The following LITAF variants were observed in gnomAD, a reference collection of about 807,000 sequenced individuals.
The protein encoded by LITAF is lipopolysaccharide-induced tumor necrosis factor-alpha factor.
In LITAF, 9 loss-of-function variants were observed where a neutral mutation model predicts 14.5. That is an observed-to-expected ratio of 0.62 (90% CI 0.37 to 1.08). LITAF has a LOEUF of 1.08. Ranked by LOEUF, LITAF falls within the 50% of genes least tolerant of loss-of-function variation. The probability of loss-of-function intolerance (pLI) is 0.01; values close to 1 mark genes in which losing one functional copy is unlikely to be tolerated. For synonymous variants in LITAF, 98 were observed against 88.2 expected (o/e 1.11, Z -0.62); for missense variants, 206 against 213.4 (o/e 0.97, Z 0.22).
intron 2 of LITAF, among the ~76,000 whole-genome samples, chr16:11,633,936 T>C (rs1384848703): frequency 6.6e-6 from 1 of 152,162 alleles, no homozygotes; most frequent in Non-Finnish European, 1.5e-5. Context: ...AATTGATGCA[T>C]GGATAGCACC....
chr16:11,576,638 A>G (rs2064641248), intron 1 of LITAF, among the ~76,000 whole-genome samples: 1 of 151,592 alleles, frequency 6.6e-6, no homozygotes, highest in African/African-American at 2.4e-5. Flanking sequence ...CAGGCTGCCA[A>G]CAGTCCAACA....
chr16:11,585,209 G>A (rs1348806164), intron 1 of LITAF, among the ~76,000 whole-genome samples: 1 of 148,974 alleles, frequency 6.7e-6, no homozygotes, highest in East Asian at 2.0e-4. Flanking sequence ...CTCCAGCCTA[G>A]GCGACAGTGA....
chr16:11,549,787 A>C lies in LITAF; in HGVS notation c.378-42T>G, dbSNP rs2064157437. ...ACACACGGAGCGCGTTACTGATCACAACAGGGTGAACACTGGCTGCCAAAA... is the reference window on the plus strand; with the variant it reads ...ACACACGGAGCGCGTTACTGATCACCACAGGGTGAACACTGGCTGCCAAAA... On this transcript the variant is annotated intron_variant, in intron 3 of 3. Coordinates refer to ENST00000622633, the MANE Select transcript of LITAF (RefSeq NM_001136472.2). The surrounding 1 kb of genome is among the most constrained non-coding windows in gnomAD (Gnocchi z 4.6). 1 of 1,473,332 alleles carries C rather than the reference A, an allele frequency of 6.8e-7. No individual in the cohort carries two copies. The highest frequency in any genetic ancestry group is 1.4e-5 in the African/African-American group (1 of 72,014). The allele number at this position is 1,473,332 out of a possible 1,614,324, so 91.3% of individuals were successfully genotyped here. A position where few individuals can be genotyped will look rare whatever the true frequency, so the allele number is the denominator to read the frequency against.
chr16:11,620,585 C>G (rs574602513), intron 3 of LITAF, among the ~76,000 whole-genome samples: 16 of 152,344 alleles, frequency 1.1e-4, no homozygotes, highest in African/African-American at 3.6e-4. Flanking sequence ...ATGCCTAAAA[C>G]AGCCTCCCAA....
At chr16:11,588,946 T>G (rs2064832748), upstream of LITAF, among the ~76,000 whole-genome samples, 1 of 152,022 alleles carries the variant, frequency 6.6e-6, no homozygotes, top group Admixed American at 6.6e-5. Flanking sequence ...TAAGCCTGAA[T>G]TTTCTTCTGT....
At chr16:11,615,868 G>T (rs2065016533) in intron 3 of LITAF, among the ~76,000 whole-genome samples, 1 of 152,076 alleles carries the variant, frequency 6.6e-6, no homozygotes, top group Non-Finnish European at 1.5e-5. Flanking sequence ...CAGTGTGGGG[G>T]TACCTAGATA....
chr16:11,585,191 C>G (rs1247245291), intron 1 of LITAF, among the ~76,000 whole-genome samples: 1 of 149,946 alleles, frequency 6.7e-6, no homozygotes, highest in Non-Finnish European at 1.5e-5. Context: ...CGAGATCGCA[C>G]CACTGCACTC....
intron 3 of LITAF, among the ~76,000 whole-genome samples, chr16:11,615,739 G>C (rs1200205116): frequency 1.3e-5 from 2 of 152,146 alleles, no homozygotes; most frequent in Admixed American, 6.6e-5. Flanking sequence ...ATAATAAAAA[G>C]TATCTGCTTG....
chr16:11,592,476 G>A (rs2064853448), intron 1 of LITAF, among the ~76,000 whole-genome samples: 1 of 151,900 alleles, frequency 6.6e-6, no homozygotes, highest in Non-Finnish European at 1.5e-5. Flanking sequence ...CTTGGGAGGT[G>A]AGGTGGGAGG....
In LITAF at chr16:11,556,653, T is replaced by C. The variant is rs1011527859; in HGVS notation, c.78A>G (p.Thr26=). 5.0e-6 allele frequency: 8 copies of C among 1,614,218 alleles called. No homozygotes were observed. Among genetic ancestry groups the C allele is most frequent in the Non-Finnish European group, 6.8e-6 (8 of 1,180,046 alleles). ...APSAPPSYEE[T]VAVNSYYPTP... is the part of the protein sequence containing the mutation. ...TGGGGTAATAACTGTTAACAGCCAC[T>C]GTCTCTTCATAGGATGGAGGTGCGG... The change falls in exon 2 of 4, where the codon ACA becomes ACG. Residue 26 remains threonine (T), a synonymous_variant. Transcript: ENST00000622633.
intron 1 of LITAF, among the ~76,000 whole-genome samples, chr16:11,572,578 C>G (rs574065554): frequency 6.6e-6 from 1 of 152,286 alleles, no homozygotes; most frequent in Admixed American, 6.5e-5. Context: ...TGTGGCCTTC[C>G]TCCCCTAAAC....
chr16:11,576,731 G>A (rs2064643261), intron 1 of LITAF, among the ~76,000 whole-genome samples: 1 of 152,114 alleles, frequency 6.6e-6, no homozygotes, highest in African/African-American at 2.4e-5. Flanking sequence ...AGAACCCAGC[G>A]TGCAAGGACT....
chr16:11,615,645 G>T (rs748684290), intron 3 of LITAF, among the ~76,000 whole-genome samples: 11 of 152,190 alleles, frequency 7.2e-5, no homozygotes, highest in Non-Finnish European at 8.8e-5. Context: ...TCCAGCCTGG[G>T]AGACAGAGTG....
chr16:11,564,210 TCA>T (rs773480427), intron 1 of LITAF, among the ~76,000 whole-genome samples: 16 of 151,988 alleles, frequency 1.1e-4, no homozygotes, highest in Admixed American at 6.6e-5. Flanking sequence ...GCGCCCGGCC[TCA>T]GTTTTGTTAA....
At chr16:11,593,555 C>A (rs2064862193) in intron 1 of LITAF, among the ~76,000 whole-genome samples, 1 of 151,916 alleles carries the variant, frequency 6.6e-6, no homozygotes, top group African/African-American at 2.4e-5. Flanking sequence ...GCACTATTCC[C>A]AATAGTTAAA....
At position 11,549,912 on chromosome 16, in the gene LITAF, C is replaced by T. The variant is rs2064158997; in HGVS notation, c.378-167G>A. 4 of 647,310 alleles carry T rather than the reference C, an allele frequency of 6.2e-6. No homozygotes were observed. The highest frequency in any genetic ancestry group is 6.0e-4 in the Middle Eastern group (2 of 3,336). 40.1% of individuals were successfully genotyped at this position (647,310 alleles called of 1,614,324 possible). ...ATTATCCAGGCGGACCCCTAAAACCCAATGACCTTAGAAGAAGAGGAGAGG... is the reference window on the plus strand; with the variant it reads ...ATTATCCAGGCGGACCCCTAAAACCTAATGACCTTAGAAGAAGAGGAGAGG... On this transcript the variant is annotated intron_variant, in intron 3 of 3. Transcript: ENST00000622633. The surrounding 1 kb of genome is among the most constrained non-coding windows in gnomAD (Gnocchi z 4.6).
chr16:11,604,252 T>C (rs1275852306), intron 3 of LITAF, among the ~76,000 whole-genome samples: 3 of 152,194 alleles, frequency 2.0e-5, no homozygotes, highest in Non-Finnish European at 4.4e-5. Flanking sequence ...ATGTGGAATA[T>C]GCTTGGTGGA....
At chr16:11,567,563 G>T (rs1334500900) in intron 1 of LITAF, among the ~76,000 whole-genome samples, 2 of 152,224 alleles carry the variant, frequency 1.3e-5, no homozygotes, top group African/African-American at 4.8e-5. Flanking sequence ...CCTCAAGACT[G>T]GTTGGTTCAT....
At chr16:11,592,319 T>C (rs1345351469) in intron 1 of LITAF, among the ~76,000 whole-genome samples, 1 of 152,198 alleles carries the variant, frequency 6.6e-6, no homozygotes, top group Non-Finnish European at 1.5e-5. Flanking sequence ...CTCACGCCTA[T>C]ACTCCCAGTA....
Sources: gnomAD v4.1 joint callset for allele counts (sites outside exome capture counted in the v4.1 genomes callset) on GRCh38, gnomAD v4.1.1 for gene constraint, Gnocchi (gnomAD v3.1) non-coding constraint, MANE v1.5 for transcripts, NCBI Gene and HGNC (gene_info 2026-07-23, HGNC 2026-07-21) for gene names.